Variants in MYO18A observed in about 807,000 individuals in gnomAD.
MYO18A encodes myosin XVIIIA.
In MYO18A, 78 loss-of-function variants were observed where a neutral mutation model predicts 235.8. That is an observed-to-expected ratio of 0.33 (90% CI 0.28 to 0.40). The LOEUF (loss-of-function observed/expected upper bound fraction) is 0.40. Among genes scored for constraint, MYO18A ranks in the 10% least tolerant of loss-of-function variants. The pLI, the probability that MYO18A is intolerant of heterozygous loss-of-function variation, is 1.00. For synonymous variants in MYO18A, 977 were observed against 1,077.8 expected, an observed-to-expected ratio of 0.91 and a Z score of 1.83; for missense variants, 2,215 against 2,699.3, an observed-to-expected ratio of 0.82 and a Z score of 3.98.
At chr17:29,080,784 G>T (rs1232005725) in intron 41 of MYO18A, 3 of 985,366 alleles carry the variant, frequency 3.0e-6, no homozygotes, top group Non-Finnish European at 3.6e-6. Context: ...CCGGCTCCTC[G>T]GACTTCCTGC....
chr17:29,174,411 G>A (rs1598404912), intron 1 of MYO18A, among the ~76,000 whole-genome samples: 2 of 152,140 alleles, frequency 1.3e-5, no homozygotes, highest in South Asian at 4.1e-4. Context: ...GGAGGCTGAG[G>A]TGGGAGGATC....
intron 2 of MYO18A, among the ~76,000 whole-genome samples, chr17:29,138,149 GAAT>G (rs1386225347): frequency 1.3e-5 from 2 of 152,158 alleles, no homozygotes; most frequent in Non-Finnish European, 2.9e-5. Flanking sequence ...GCTCCTGGGA[GAAT>G]AATGCCACGC....
Position 29,117,420 on chromosome 17 carries a change from G to C in MYO18A, c.2038+625C>G, listed in dbSNP as rs2067100135. On this transcript the variant is annotated intron_variant, in intron 10 of 41. Coordinates refer to ENST00000527372, the MANE Select transcript of MYO18A (RefSeq NM_078471.4). The surrounding 1 kb of genome is among the most constrained non-coding windows in gnomAD (Gnocchi z 4.6). Reference sequence around the variant, plus strand: ...GAAAACTGGTCTGGGGAGGCCCCAGGTAGCAAGCCCACCCTACCCCACCCC... The same window carrying C: ...GAAAACTGGTCTGGGGAGGCCCCAGCTAGCAAGCCCACCCTACCCCACCCC... Among the ~76,000 whole-genome samples the C allele has an allele frequency of 6.6e-6, 1 of 152,130 alleles. No homozygotes were observed. Among genetic ancestry groups the C allele is most frequent in the African/African-American group, 2.4e-5 (1 of 41,436 alleles).
intron 32 of MYO18A, 102 bp downstream of exon 32, chr17:29,093,221 C>A (rs2066441649): frequency 1.7e-6 from 2 of 1,162,520 alleles, no homozygotes; most frequent in African/African-American, 1.5e-5. Context: ...GCACCCCCAC[C>A]CCCGACAGCT....
Position 29,092,447 on chromosome 17 carries a change from A to T in MYO18A, c.5083T>A (p.Ser1695Thr). 1 of 1,610,820 alleles carries T rather than the reference A, an allele frequency of 6.2e-7. No individual in the cohort carries two copies. The stretch of plus-strand genomic sequence containing the variant: ...ACGGCTGCCGCACAGGTGAACTCTG[A>T]CTCCTCCAGCTGGACACAGACCACC... The part of the protein sequence containing the change: ...IAQLKNQLEE[S>T]EFTCAAAVKA... The change falls in exon 34 of 42, where the codon TCA becomes ACA. Residue 1695 changes from serine (S) to threonine (T), a missense_variant. Coordinates refer to ENST00000527372, the MANE Select transcript of MYO18A (RefSeq NM_078471.4).
chr17:29,083,742 G>A (rs78531316), intron 40 of MYO18A, among the ~76,000 whole-genome samples: 169 of 152,216 alleles, frequency 1.1e-3, no homozygotes, highest in African/African-American at 3.8e-3. Flanking sequence ...CCCTGTGCCC[G>A]TCCGAGCCTG....
chr17:29,091,921 A>G, intron 34 of MYO18A: 1 of 327,570 alleles, frequency 3.1e-6, no homozygotes, highest in South Asian at 2.5e-5. Context: ...AAGAGCTCTA[A>G]TTAGCTGCCG....
intron 15 of MYO18A, among the ~76,000 whole-genome samples, chr17:29,113,295 G>A (rs1394529263): frequency 6.6e-6 from 1 of 152,250 alleles, no homozygotes; most frequent in African/African-American, 2.4e-5. Flanking sequence ...AAGCAGAGCA[G>A]GGAGGTCGGC....
chr17:29,091,315 G>A (rs892915971), intron 34 of MYO18A: 17 of 324,428 alleles, frequency 5.2e-5, no homozygotes, highest in African/African-American at 3.5e-4. Flanking sequence ...TCAAGTCTGC[G>A]AAGGTCTCCT....
intron 2 of MYO18A, chr17:29,131,549 C>T (rs1280364922): frequency 2.0e-5 from 8 of 403,370 alleles, no homozygotes; most frequent in African/African-American, 1.5e-4. Context: ...TGAGGTGGAG[C>T]TCCTGAGTCT....
At chr17:29,113,514 T>A (rs1184747025) in intron 15 of MYO18A, among the ~76,000 whole-genome samples, 1 of 152,196 alleles carries the variant, frequency 6.6e-6, no homozygotes, top group Non-Finnish European at 1.5e-5. Flanking sequence ...AGAGGGCGTC[T>A]GACAGCTTAG....
intron 2 of MYO18A, among the ~76,000 whole-genome samples, chr17:29,151,801 A>G (rs922960465): frequency 1.3e-5 from 2 of 152,208 alleles, no homozygotes; most frequent in Admixed American, 1.3e-4. Flanking sequence ...CAGAAGTCCC[A>G]ACAGAATCCT....
chr17:29,145,893 G>T (rs924872912), intron 2 of MYO18A, among the ~76,000 whole-genome samples: 15 of 152,216 alleles, frequency 9.9e-5, no homozygotes, highest in African/African-American at 3.6e-4. Flanking sequence ...GCCAATGAAA[G>T]AGAGAAATGT....
At position 29,140,224 on chromosome 17, in the gene MYO18A, C is replaced by T; in HGVS notation, c.1000-17971G>A. The T allele has an allele frequency of 1.4e-6, 1 of 704,206 alleles. No individual in the cohort carries two copies. Among genetic ancestry groups the T allele is most frequent in the South Asian group, 2.0e-5 (1 of 49,274 alleles). 43.6% of individuals were successfully genotyped at this position (704,206 alleles called of 1,614,324 possible). ...CCCCAAGGCTGCCCCACCCCTCTCC[C>T]CACCTACTTCAGCCACATCTGGGGA... On this transcript the variant is annotated intron_variant, in intron 2 of 41. Transcript: ENST00000527372. This position sits in a 1 kb window ranked among gnomAD's most constrained non-coding sequence, Gnocchi z 4.2.
intron 41 of MYO18A, chr17:29,080,901 G>A (rs758962167): frequency 1.1e-5 from 11 of 985,376 alleles, no homozygotes; most frequent in Non-Finnish European, 1.3e-5. Context: ...CGTCCCCGGT[G>A]CCCCCGATGG....
At chr17:29,098,714 A>G in intron 23 of MYO18A, 112 bp downstream of exon 23, 2 of 1,410,822 alleles carry the variant, frequency 1.4e-6, no homozygotes, top group Non-Finnish European at 1.9e-6. Flanking sequence ...TGATGAGCAC[A>G]TTTCAAGGAT....
intron 1 of MYO18A, among the ~76,000 whole-genome samples, chr17:29,176,316 A>G (rs929860346): frequency 6.6e-6 from 1 of 152,140 alleles, no homozygotes; most frequent in African/African-American, 2.4e-5. Context: ...CTTGGTTAAA[A>G]TAGAGTTCAC....
At chr17:29,165,142 A>G (rs984598290) in intron 2 of MYO18A, among the ~76,000 whole-genome samples, 19 of 152,194 alleles carry the variant, frequency 1.2e-4, no homozygotes, top group Admixed American at 2.0e-4. Flanking sequence ...TTGCTCACTC[A>G]GGGGCAAGAG....
At chr17:29,124,716 GAGA>G (rs1324169387) in intron 2 of MYO18A, 31 of 1,276,438 alleles carry the variant, frequency 2.4e-5, no homozygotes, top group Non-Finnish European at 3.0e-5. Context: ...AGGAGAGAGA[GAGA>G]AGAAGGGTGA....
Sources: allele counts gnomAD v4.1 joint callset (sites outside exome capture counted in the v4.1 genomes callset), GRCh38; gene constraint gnomAD v4.1.1; non-coding constraint Gnocchi (gnomAD v3.1); transcripts MANE v1.5; gene names NCBI Gene and HGNC (gene_info 2026-07-23, HGNC 2026-07-21).